AGBL4: variants seen among roughly 807,000 people sequenced by gnomAD.
AGBL4 encodes cytosolic carboxypeptidase 6.
AGBL4 carries 58 observed loss-of-function variants against 66.4 expected under a neutral mutation model. The observed-to-expected ratio is 0.87, with a 90% CI of 0.71 to 1.09. The LOEUF (loss-of-function observed/expected upper bound fraction) is 1.09, where lower values mean the gene tolerates loss of function less well. Among genes scored for constraint, AGBL4 ranks in the 50% least tolerant of loss-of-function variants. AGBL4 has a pLI of 0.00. For synonymous variants in AGBL4, 234 were observed against 222.9 expected, an observed-to-expected ratio of 1.05 and a Z score of -0.44; for missense variants, 579 against 631.0, an observed-to-expected ratio of 0.92 and a Z score of 0.88.
intron 1 of AGBL4, among the ~76,000 whole-genome samples, chr1:49,890,683 T>C (rs1279952823): frequency 1.3e-5 from 2 of 152,192 alleles, no homozygotes; most frequent in Admixed American, 6.5e-5. Context: ...AATATAACTG[T>C]AGGAAAAAGA....
intron 9 of AGBL4, among the ~76,000 whole-genome samples, chr1:48,602,889 A>G (rs1301747826): frequency 6.6e-6 from 1 of 151,134 alleles, no homozygotes; most frequent in Non-Finnish European, 1.5e-5. Context: ...TCTTCACTTT[A>G]TAGTAGGGAA....
Position 49,472,983 on chromosome 1 carries a change from G to A in AGBL4, c.282+224330C>T, listed in dbSNP as rs574250880. On this transcript the variant is annotated intron_variant, in intron 3 of 13. Transcript: ENST00000371839. Reference sequence around the variant, plus strand: ...TGGCCTCCAGGTGCATCCATGTTGCGGCAAAGAACATTATTTCACCCTCTT... The same window carrying A: ...TGGCCTCCAGGTGCATCCATGTTGCAGCAAAGAACATTATTTCACCCTCTT... Among the ~76,000 whole-genome samples the A allele has an allele frequency of 6.0e-4, 91 of 152,012 alleles. 1 individual carries two copies. The highest frequency in any genetic ancestry group is 6.3e-4 in the Non-Finnish European group (43 of 67,930).
intron 6 of AGBL4, among the ~76,000 whole-genome samples, chr1:48,771,068 G>C (rs909288225): frequency 1.3e-5 from 2 of 152,184 alleles, no homozygotes; most frequent in African/African-American, 4.8e-5. Flanking sequence ...AACCAGGTGA[G>C]TATTTATAAC....
At chr1:48,758,492 T>C (rs1008979860) in intron 6 of AGBL4, among the ~76,000 whole-genome samples, 6 of 152,206 alleles carry the variant, frequency 3.9e-5, no homozygotes, top group African/African-American at 1.4e-4. Flanking sequence ...GCATTCTCCT[T>C]TGGCATTTAT....
intron 9 of AGBL4, among the ~76,000 whole-genome samples, chr1:48,616,910 A>G (rs1028760390): frequency 2.0e-5 from 3 of 152,240 alleles, no homozygotes; most frequent in Admixed American, 1.3e-4. Flanking sequence ...ACACACCTCC[A>G]ACGGCTGGTT....
At chr1:48,534,415 C>T (rs564157702) in intron 13 of AGBL4, 122 bp from the exon 14 acceptor site, 2 of 1,324,102 alleles carry the variant, frequency 1.5e-6, no homozygotes, top group Admixed American at 2.9e-5. Flanking sequence ...GTAACCTAGT[C>T]TTCTTCCCAC....
intron 2 of AGBL4, among the ~76,000 whole-genome samples, chr1:49,817,268 C>T (rs1453526074): frequency 6.6e-6 from 1 of 152,092 alleles, no homozygotes; most frequent in South Asian, 2.1e-4. Flanking sequence ...GAAAGTTGGC[C>T]TGAAGGGCAG....
chr1:49,509,498 A>C (rs1649004705), intron 3 of AGBL4, among the ~76,000 whole-genome samples: 1 of 151,930 alleles, frequency 6.6e-6, no homozygotes, highest in Non-Finnish European at 1.5e-5. Flanking sequence ...TCTTATTCCA[A>C]AGACCACTCT....
chr1:49,223,040 T>C (rs1233148741), intron 4 of AGBL4, among the ~76,000 whole-genome samples: 2 of 152,212 alleles, frequency 1.3e-5, no homozygotes, highest in African/African-American at 4.8e-5. Context: ...TGGCAGGATC[T>C]AGTAGTCACA....
At chr1:49,180,063 G>T (rs970117905) in intron 4 of AGBL4, among the ~76,000 whole-genome samples, 4 of 151,898 alleles carry the variant, frequency 2.6e-5, no homozygotes, top group African/African-American at 9.7e-5. Flanking sequence ...CACCATGCCC[G>T]GCTAATTTTG....
chr1:49,983,071 T>C (rs1327741602), intron 1 of AGBL4, among the ~76,000 whole-genome samples: 1 of 152,202 alleles, frequency 6.6e-6, no homozygotes, highest in Non-Finnish European at 1.5e-5. Flanking sequence ...TCTGCATACC[T>C]CATTCTTCCT....
intron 7 of AGBL4, among the ~76,000 whole-genome samples, chr1:48,657,388 G>C (rs1259167169): frequency 2.0e-5 from 3 of 152,190 alleles, no homozygotes; most frequent in African/African-American, 4.8e-5. Flanking sequence ...GGCAACTATA[G>C]AGCTATTGCC....
intron 3 of AGBL4, among the ~76,000 whole-genome samples, chr1:49,353,993 C>CA (rs890320898): frequency 1.3e-4 from 19 of 151,970 alleles, no homozygotes; most frequent in East Asian, 5.8e-4. Flanking sequence ...TTCCTGGATA[C>CA]AAAAAAAAGA....
chr1:49,258,478 A>T (rs1262704628), intron 3 of AGBL4, among the ~76,000 whole-genome samples: 1 of 152,200 alleles, frequency 6.6e-6, no homozygotes, highest in Non-Finnish European at 1.5e-5. Flanking sequence ...GATGGAGCTG[A>T]AAGCCAAGGC....
At chr1:49,240,844 A>T (rs557475468) in intron 4 of AGBL4, among the ~76,000 whole-genome samples, 10 of 151,880 alleles carry the variant, frequency 6.6e-5, no homozygotes, top group South Asian at 4.2e-4. Flanking sequence ...TTCTAGCTTA[A>T]TGTTTCCCAG....
At chr1:48,995,352 T>C (rs1349704840) in intron 5 of AGBL4, among the ~76,000 whole-genome samples, 1 of 152,208 alleles carries the variant, frequency 6.6e-6, no homozygotes, top group Non-Finnish European at 1.5e-5. Context: ...CTTATTATAC[T>C]AAAGCCTTGA....
chr1:49,601,882 C>T (rs772229198), intron 3 of AGBL4, among the ~76,000 whole-genome samples: 1 of 152,098 alleles, frequency 6.6e-6, no homozygotes, highest in Non-Finnish European at 1.5e-5. Context: ...AGCTTCTGCA[C>T]AGCAAAAGAA....
intron 6 of AGBL4, among the ~76,000 whole-genome samples, chr1:48,791,688 T>C (rs1330383782): frequency 6.6e-6 from 1 of 152,246 alleles, no homozygotes; most frequent in African/African-American, 2.4e-5. Context: ...AAGTCACTTG[T>C]CTTGTTAAGT....
At chr1:48,818,128 C>T in intron 6 of AGBL4, 1 of 715,620 alleles carries the variant, frequency 1.4e-6, no homozygotes, top group Non-Finnish European at 2.6e-6. Flanking sequence ...CGGAAACATT[C>T]CCGAGATTAG....
Sources: gnomAD v4.1 joint callset for allele counts (sites outside exome capture counted in the v4.1 genomes callset) on GRCh38, gnomAD v4.1.1 for gene constraint, MANE v1.5 for transcripts, NCBI Gene and HGNC (gene_info 2026-07-23, HGNC 2026-07-21) for gene names.